MYO9A: variants seen among roughly 807,000 people sequenced by gnomAD.
The protein encoded by MYO9A is unconventional myosin-IXa.
MYO9A carries 103 observed loss-of-function variants against 293.3 expected under a neutral mutation model. The ratio of observed to expected loss-of-function variants is 0.35; its 90% CI spans 0.30 to 0.41. The LOEUF (loss-of-function observed/expected upper bound fraction) is 0.41. Among genes scored for constraint, MYO9A ranks in the 10% least tolerant of loss-of-function variants. The probability of loss-of-function intolerance (pLI) is 1.00; values close to 1 mark genes in which losing one functional copy is unlikely to be tolerated. For missense variants in MYO9A, 2,685 were observed against 3,033.0 expected (o/e 0.89, Z 2.69); for synonymous variants, 1,001 against 1,035.7 (o/e 0.97, Z 0.64).
chr15:72,090,379 A>G (rs1555423609), intron 1 of MYO9A, among the ~76,000 whole-genome samples: 2 of 152,194 alleles, frequency 1.3e-5, no homozygotes, highest in Non-Finnish European at 2.9e-5. Flanking sequence ...GATACAGTTA[A>G]TATTTATTAG....
At chr15:71,850,991 A>G (rs1046560963) in intron 37 of MYO9A, among the ~76,000 whole-genome samples, 2 of 152,042 alleles carry the variant, frequency 1.3e-5, no homozygotes, top group African/African-American at 4.8e-5. Flanking sequence ...AGCTGTTAGA[A>G]AACAGGCTAA....
chr15:72,109,719 T>A (rs1009769631), intron 1 of MYO9A, among the ~76,000 whole-genome samples: 1 of 151,870 alleles, frequency 6.6e-6, no homozygotes, highest in Non-Finnish European at 1.5e-5. Context: ...TGAAACCCTG[T>A]CTCTATTAAA....
chr15:71,838,823 T>G (rs936322175), intron 39 of MYO9A, among the ~76,000 whole-genome samples: 1 of 152,182 alleles, frequency 6.6e-6, no homozygotes, highest in African/African-American at 2.4e-5. Context: ...AGCTAACTAT[T>G]CTCAGTTTGT....
rs2056079749 is a variant in MYO9A at position 71,860,657 on chromosome 15, G to C, written c.6092-861C>G. Among the ~76,000 whole-genome samples, 3 of 151,944 alleles carry C rather than the reference G, an allele frequency of 2.0e-5. No individual in the cohort carries two copies. The Admixed American group carries it at 2.0e-4, about 10-fold the overall frequency. ...ATCAGGATAACAACAAAGAAAGTTA[G>C]CTAATTCTATTAAAAAATCAAATCA... is the stretch of plus-strand genomic sequence containing the variant. On this transcript the variant is annotated intron_variant, in intron 33 of 41. Coordinates refer to ENST00000356056, the MANE Select transcript of MYO9A (RefSeq NM_006901.4).
chr15:71,860,983 A>AAAAAAAAAAAAAG (rs1280330013), intron 33 of MYO9A, among the ~76,000 whole-genome samples: 7 of 150,836 alleles, frequency 4.6e-5, no homozygotes, highest in Non-Finnish European at 1.0e-4. Flanking sequence ...AAAAAAAAAA[A>AAAAAAAAAAAAAG]AAAAAAAAAA....
chr15:71,875,729 T>C, intron 32 of MYO9A, 62 bp downstream of exon 32: 1 of 832,202 alleles, frequency 1.2e-6, no homozygotes, highest in Non-Finnish European at 1.7e-6. Flanking sequence ...TATTGTATGA[T>C]ATACCTCAGA....
At chr15:72,083,769 CAGA>C (rs565954503) in intron 1 of MYO9A, among the ~76,000 whole-genome samples, 89 of 152,266 alleles carry the variant, frequency 5.8e-4, no homozygotes, top group African/African-American at 2.1e-3. Flanking sequence ...ACCCAAAAGT[CAGA>C]AGAAGGTTGT....
chr15:72,059,672 T>C (rs1469439461), intron 1 of MYO9A, among the ~76,000 whole-genome samples: 2 of 152,230 alleles, frequency 1.3e-5, no homozygotes, highest in East Asian at 3.8e-4. Context: ...ATCCTGAACT[T>C]AGAGCTCTTC....
Position 71,897,834 on chromosome 15 carries a change from G to T in MYO9A, c.4669C>A (p.Pro1557Thr), listed in dbSNP as rs758921375. The change falls in exon 25 of 42, where the codon CCA becomes ACA. Residue 1557 changes from proline (P) to threonine (T), a missense_variant. Transcript: ENST00000356056. ...SYQSKQRVER[P>T]SSLLSLNTSN... ...GTATTTAAGCTGAGGAGAGAGGATGGCCTCTCTACTCTTTGCTTTGACTGA... is the reference window on the plus strand; with the variant it reads ...GTATTTAAGCTGAGGAGAGAGGATGTCCTCTCTACTCTTTGCTTTGACTGA... 2.5e-6 allele frequency: 4 copies of T among 1,613,904 alleles called. No individual in the cohort carries two copies. Among genetic ancestry groups the T allele is most frequent in the Non-Finnish European group, 3.4e-6 (4 of 1,179,994 alleles).
intron 33 of MYO9A, among the ~76,000 whole-genome samples, chr15:71,861,693 A>C (rs183206463): frequency 0.021 from 3,160 of 148,778 alleles, 108 homozygotes; most frequent in African/African-American, 0.074. Context: ...AAAAAAAAAA[A>C]AAAAAAAACA....
chr15:72,100,593 G>C (rs1429854805), intron 1 of MYO9A, among the ~76,000 whole-genome samples: 2 of 151,598 alleles, frequency 1.3e-5, no homozygotes, highest in Non-Finnish European at 2.9e-5. Flanking sequence ...TGAGATGTGG[G>C]GAGCACCTCT....
Position 72,075,243 on chromosome 15 carries a change from GGCATGA to G in MYO9A, c.-71-28615_-71-28610del, listed in dbSNP as rs549465928. Among the ~76,000 whole-genome samples the G allele has an allele frequency of 4.8e-3, 735 of 152,060 alleles. 6 individuals carry two copies. The highest frequency in any genetic ancestry group is 0.017 in the African/African-American group (708 of 41,498). Reference sequence around the variant, plus strand: ...GGCTTCCCAAAGTGCTGGGATTACAGGCATGAGCTACCACGCTCAGCCTTCACTGCT... The same window carrying G: ...GGCTTCCCAAAGTGCTGGGATTACAGGCTACCACGCTCAGCCTTCACTGCT... On this transcript the variant is annotated intron_variant, in intron 1 of 41. Transcript: ENST00000356056.
chr15:72,081,113 T>C (rs556236493), intron 1 of MYO9A, among the ~76,000 whole-genome samples: 2 of 152,250 alleles, frequency 1.3e-5, no homozygotes, highest in African/African-American at 4.8e-5. Flanking sequence ...TGAATGGTAG[T>C]TCTTTTTAGG....
chr15:72,074,950 C>CTTTTTTTTTTTTTTTT (rs1567012010), intron 1 of MYO9A, among the ~76,000 whole-genome samples: 1 of 71,666 alleles, frequency 1.4e-5, no homozygotes, highest in African/African-American at 5.0e-5. Context: ...ATTTTCACTG[C>CTTTTTTTTTTTTTTTT]CTTTTTTTTT....
chr15:71,857,046 A>G (rs756753307), intron 34 of MYO9A, among the ~76,000 whole-genome samples: 51 of 152,336 alleles, frequency 3.3e-4, no homozygotes, highest in Non-Finnish European at 5.9e-4. Context: ...ATGTTTTCCT[A>G]ATGCTGGGAC....
chr15:72,061,195 A>G (rs562132331), intron 1 of MYO9A, among the ~76,000 whole-genome samples: 1 of 152,090 alleles, frequency 6.6e-6, no homozygotes, highest in Non-Finnish European at 1.5e-5. Context: ...GCCAGGCAGT[A>G]CTCGCCATGG....
intron 38 of MYO9A, among the ~76,000 whole-genome samples, chr15:71,849,824 C>T (rs958290901): frequency 6.6e-6 from 1 of 152,122 alleles, no homozygotes; most frequent in Non-Finnish European, 1.5e-5. Flanking sequence ...AAAGAAAAGC[C>T]AGATTTTAAA....
chr15:72,068,948 C>G (rs1200796253), intron 1 of MYO9A, among the ~76,000 whole-genome samples: 20 of 152,258 alleles, frequency 1.3e-4, no homozygotes, highest in Admixed American at 1.3e-3. Context: ...TCTTATTTTA[C>G]AGATCAAGAA....
chr15:71,963,896 T>C (rs909357682), intron 13 of MYO9A, among the ~76,000 whole-genome samples: 3 of 152,234 alleles, frequency 2.0e-5, no homozygotes, highest in African/African-American at 7.2e-5. Flanking sequence ...AAGCATTCAC[T>C]AGTAAAACCA....
Sources: gnomAD v4.1 joint callset for allele counts (sites outside exome capture counted in the v4.1 genomes callset) on GRCh38, gnomAD v4.1.1 for gene constraint, MANE v1.5 for transcripts, NCBI Gene and HGNC (gene_info 2026-07-23, HGNC 2026-07-21) for gene names.